XPO4: variants seen among roughly 807,000 people sequenced by gnomAD.
The protein encoded by XPO4 is exportin-4.
Under a neutral mutation model 143.0 loss-of-function variants are expected in XPO4, and 39 were observed. The ratio of observed to expected loss-of-function variants is 0.27; its 90% CI spans 0.21 to 0.36. The LOEUF (loss-of-function observed/expected upper bound fraction) is 0.36. Ranked by LOEUF, XPO4 falls within the 10% of genes least tolerant of loss-of-function variation. XPO4 has a pLI of 1.00. For synonymous variants in XPO4, 439 were observed against 474.0 expected, an observed-to-expected ratio of 0.93 and a Z score of 0.96; for missense variants, 907 against 1,348.0, an observed-to-expected ratio of 0.67 and a Z score of 5.12.
chr13:20,858,027 G>T, intron 3 of XPO4: 3 of 969,736 alleles, frequency 3.1e-6, no homozygotes, highest in South Asian at 9.5e-5. Context: ...CGTTTAACTT[G>T]AATCTAATCC....
At chr13:20,814,389 C>T (rs1225365587) in intron 9 of XPO4, among the ~76,000 whole-genome samples, 1 of 152,168 alleles carries the variant, frequency 6.6e-6, no homozygotes, top group African/African-American at 2.4e-5. Context: ...GATATTAGAA[C>T]AGAAGATCAG....
At chr13:20,881,895 G>C (rs1038810762) in intron 1 of XPO4, among the ~76,000 whole-genome samples, 1 of 151,982 alleles carries the variant, frequency 6.6e-6, no homozygotes. Flanking sequence ...ATTACCTGAG[G>C]TCAGGAGTTT....
intron 3 of XPO4, chr13:20,859,806 TA>T: frequency 1.1e-6 from 1 of 906,968 alleles, no homozygotes; most frequent in Non-Finnish European, 1.3e-6. Context: ...AAAGAACAAA[TA>T]AAAAGGAAAA....
intron 16 of XPO4, 86 bp downstream of exon 16, chr13:20,799,079 T>A (rs1252803370): frequency 2.4e-6 from 3 of 1,236,976 alleles, no homozygotes; most frequent in Non-Finnish European, 3.3e-6. Flanking sequence ...TACATTTATG[T>A]CTCCAGAGAC....
intron 9 of XPO4, among the ~76,000 whole-genome samples, chr13:20,810,697 T>A (rs1348885129): frequency 6.6e-6 from 1 of 152,208 alleles, no homozygotes; most frequent in Non-Finnish European, 1.5e-5. Flanking sequence ...GGCTTCTTCT[T>A]GCCCAAAGCT....
At chr13:20,849,159 C>T in intron 4 of XPO4, 7 of 985,428 alleles carry the variant, frequency 7.1e-6, no homozygotes, top group Non-Finnish European at 8.4e-6. Context: ...TTATAATAGC[C>T]TGGCTCTTAC....
At chr13:20,833,696 A>G (rs2059880182) in intron 6 of XPO4, among the ~76,000 whole-genome samples, 1 of 92,912 alleles carries the variant, frequency 1.1e-5, no homozygotes, top group African/African-American at 3.6e-5. Context: ...CCAAATGGGG[A>G]AAAAATCATA....
At chr13:20,838,931 T>C (rs1269723736) in intron 6 of XPO4, among the ~76,000 whole-genome samples, 1 of 152,170 alleles carries the variant, frequency 6.6e-6, no homozygotes, top group Non-Finnish European at 1.5e-5. Context: ...GGATGCTGCA[T>C]GCTACAAAAT....
intron 6 of XPO4, among the ~76,000 whole-genome samples, chr13:20,840,489 T>C: frequency 6.6e-6 from 1 of 152,074 alleles, no homozygotes; most frequent in East Asian, 1.9e-4. Context: ...ATTACAAGAG[T>C]GAGCCACCGC....
chr13:20,826,818 G>A (rs1430603038), intron 7 of XPO4, among the ~76,000 whole-genome samples: 1 of 152,172 alleles, frequency 6.6e-6, no homozygotes, highest in Non-Finnish European at 1.5e-5. Flanking sequence ...ATTTTTAAGA[G>A]TATAGAGGGG....
At chr13:20,837,699 C>A (rs562292168) in intron 6 of XPO4, among the ~76,000 whole-genome samples, 1 of 152,016 alleles carries the variant, frequency 6.6e-6, no homozygotes, top group Non-Finnish European at 1.5e-5. Flanking sequence ...TGGGGACACA[C>A]GGAACAATCA....
intron 22 of XPO4, among the ~76,000 whole-genome samples, chr13:20,785,455 T>G (rs1402855686): frequency 6.6e-6 from 1 of 151,858 alleles, no homozygotes; most frequent in Non-Finnish European, 1.5e-5. Context: ...AGTGGATTGC[T>G]TAAGTTCAGG....
intron 20 of XPO4, among the ~76,000 whole-genome samples, chr13:20,787,948 C>T (rs940512279): frequency 6.6e-6 from 1 of 152,116 alleles, no homozygotes; most frequent in Admixed American, 6.5e-5. Flanking sequence ...CTTCTGGAAC[C>T]AGGGACTGAA....
rs79447259 is a variant in XPO4, at chr13:20,794,181, A to T, written c.2797+1895T>A. 9.6e-3 allele frequency among the ~76,000 whole-genome samples: 1,456 copies of T among 152,328 alleles called. 24 individuals carry two copies. The highest frequency in any genetic ancestry group is 0.034 in the African/African-American group (1,402 of 41,556). On this transcript the variant is annotated intron_variant, in intron 18 of 22. Transcript: ENST00000255305. Reference sequence around the variant, plus strand: ...CTACTGTAGTACTTAAGTAGGTAGGAAACACGATGGAATCACTATTTTAGG... The same window carrying T: ...CTACTGTAGTACTTAAGTAGGTAGGTAACACGATGGAATCACTATTTTAGG...
In XPO4 at chr13:20,810,119, CTA is replaced by C. The variant is rs2059559561; in HGVS notation, c.1174-154_1174-153del. ...TTTTATTGAACTTTCTAAAATCTTTCTAAGTTCAAGTAAGTCTTAGGCAATCT... is the reference window on the plus strand; with the variant it reads ...TTTTATTGAACTTTCTAAAATCTTTCAGTTCAAGTAAGTCTTAGGCAATCT... On this transcript the variant is annotated intron_variant, in intron 9 of 22. Coordinates refer to ENST00000255305, the MANE Select transcript of XPO4 (RefSeq NM_022459.5). 4 of 409,170 alleles carry C rather than the reference CTA, an allele frequency of 9.8e-6. No homozygotes were observed. In the South Asian group the frequency reaches 2.7e-4, roughly 28 times the overall value. The allele number at this position is 409,170 out of a possible 1,614,324, so 25.3% of individuals were successfully genotyped here.
intron 3 of XPO4, chr13:20,858,077 A>G: frequency 1.5e-6 from 1 of 680,608 alleles, no homozygotes; most frequent in Non-Finnish European, 1.8e-6. Context: ...TATCTGTGTC[A>G]TGAAAGGCAA....
chr13:20,796,163 C>T lies in XPO4; in HGVS notation c.2710G>A (p.Glu904Lys). 1 of 1,613,726 alleles carries T rather than the reference C, an allele frequency of 6.2e-7. No homozygotes were observed. Among genetic ancestry groups the T allele is most frequent in the Non-Finnish European group, 8.5e-7 (1 of 1,179,930 alleles). ...LGRQRIDVTA[E>K]EEQYQDLLLI... is the part of the protein sequence containing the mutation. The stretch of plus-strand genomic sequence containing the variant: ...AGCAGGTCTTGGTATTGCTCTTCTT[C>T]TGCTGTAACATCTATTCTTTGCCGC... The change falls in exon 18 of 23, where the codon GAA becomes AAA. Residue 904 changes from glutamate (E) to lysine (K), a missense_variant. Coordinates refer to ENST00000255305, the MANE Select transcript of XPO4 (RefSeq NM_022459.5).
chr13:20,798,557 A>G (rs1293277752), intron 16 of XPO4, among the ~76,000 whole-genome samples: 1 of 152,212 alleles, frequency 6.6e-6, no homozygotes, highest in Non-Finnish European at 1.5e-5. Context: ...TGAAAATTTA[A>G]TAAGCCAGTC....
intron 9 of XPO4, among the ~76,000 whole-genome samples, 153 bp from the exon 10 acceptor site, chr13:20,810,120 T>G (rs2059559479): frequency 2.3e-5 from 1 of 44,216 alleles, no homozygotes; most frequent in Non-Finnish European, 4.7e-5. Flanking sequence ...AAAATCTTTC[T>G]AAGTTCAAGT....
Sources: allele counts gnomAD v4.1 joint callset (sites outside exome capture counted in the v4.1 genomes callset), GRCh38; gene constraint gnomAD v4.1.1; transcripts MANE v1.5; gene names NCBI Gene and HGNC (gene_info 2026-07-23, HGNC 2026-07-21).